The following RHOBTB2 variants were observed in gnomAD, a reference collection of about 807,000 sequenced individuals.
RHOBTB2 encodes Rho related BTB domain containing 2.
Under a neutral mutation model 66.5 loss-of-function variants are expected in RHOBTB2, and 39 were observed. The ratio of observed to expected loss-of-function variants is 0.59; its 90% CI spans 0.45 to 0.77. The LOEUF (loss-of-function observed/expected upper bound fraction) is 0.77. Among genes scored for constraint, RHOBTB2 ranks in the 30% least tolerant of loss-of-function variants. The pLI is 0.00. For synonymous variants in RHOBTB2, 390 were observed against 395.0 expected (o/e 0.99, Z 0.15); for missense variants, 755 against 999.1 (o/e 0.76, Z 3.29).
At chr8:22,998,773 A>G (rs1475432411), upstream of RHOBTB2, 3 of 151,662 alleles carry the variant, frequency 2.0e-5, no homozygotes, top group East Asian at 5.8e-4. Context: ...CCAGCCTTGA[A>G]TATGGAAAGT....
the RHOBTB2 span, among the ~76,000 whole-genome samples, chr8:22,959,739 G>A: frequency 6.6e-6 from 1 of 152,050 alleles, no homozygotes; most frequent in Non-Finnish European, 1.5e-5. Flanking sequence ...ACCCCCTGTG[G>A]TTACCTTGTC....
chr8:23,015,779 C>T, intron 9 of RHOBTB2, 36 bp downstream of exon 9: 1 of 1,439,338 alleles, frequency 6.9e-7, no homozygotes, highest in Non-Finnish European at 9.8e-7. Context: ...GTACCTGCTG[C>T]CCTCCCCTTA....
chr8:23,004,632 G>T lies in RHOBTB2; in HGVS notation c.192+6G>T. 1 of 1,610,464 alleles carries T rather than the reference G, an allele frequency of 6.2e-7. No individual in the cohort carries two copies. On this transcript the variant is annotated splice_donor_region_variant and intron_variant, in intron 2 of 9. Transcript: ENST00000251822. This position sits in a 1 kb window ranked among gnomAD's most constrained non-coding sequence, Gnocchi z 6.4. ...AATATCGTGTGTGCCAGGAGGTAAG[G>T]CTGCAGGACTACCTGGCTGGGGGTC...
upstream of RHOBTB2, among the ~76,000 whole-genome samples, chr8:22,982,711 C>T (rs565331767): frequency 2.7e-4 from 41 of 152,318 alleles, no homozygotes; most frequent in South Asian, 6.0e-3. Context: ...AAGAAAACCC[C>T]ATGGATCTTT....
At chr8:22,980,730 A>G in the RHOBTB2 span, among the ~76,000 whole-genome samples, 1 of 152,194 alleles carries the variant, frequency 6.6e-6, no homozygotes, top group Non-Finnish European at 1.5e-5. Flanking sequence ...AGTTTTTTTA[A>G]AAAACAAACT....
chr8:22,956,551 C>T, the RHOBTB2 span, among the ~76,000 whole-genome samples: 68 of 152,282 alleles, frequency 4.5e-4, no homozygotes, highest in African/African-American at 1.4e-3. Context: ...GAGGCCTCCC[C>T]AGAAGCCAAG....
chr8:22,955,932 C>T, the RHOBTB2 span, among the ~76,000 whole-genome samples: 1 of 152,124 alleles, frequency 6.6e-6, no homozygotes, highest in Non-Finnish European at 1.5e-5. Context: ...GATGCCACCT[C>T]CTGGAGCTTC....
intron 7 of RHOBTB2, among the ~76,000 whole-genome samples, chr8:23,011,075 T>C (rs906847524): frequency 2.0e-5 from 3 of 152,150 alleles, no homozygotes; most frequent in Non-Finnish European, 4.4e-5. Flanking sequence ...CAAACTGCCA[T>C]GAAACCCGTC....
chr8:22,964,071 A>G, the RHOBTB2 span, among the ~76,000 whole-genome samples: 824 of 151,504 alleles, frequency 5.4e-3, 6 homozygotes, highest in Non-Finnish European at 8.1e-3. Context: ...GTGAGTCACC[A>G]TGCCCAGCCT....
Position 22,994,406 on chromosome 8 carries a change from C to T in RHOBTB2, c.-23-155C>T, listed in dbSNP as rs1414126125. 2.6e-5 allele frequency among the ~76,000 whole-genome samples: 4 copies of T among 152,328 alleles called. No individual in the cohort carries two copies. In the East Asian group the frequency reaches 5.8e-4, roughly 22 times the overall value. ...TGGCCCCCAGGCTGGGGTCTCACCC[C>T]GCGCTGGACCCGGACATCAGGGGCC... On this transcript the variant is annotated intron_variant, in intron 2 of 11. Transcript: ENST00000519685.
At chr8:22,991,283 C>T (rs1335826956) in intron 1 of RHOBTB2, among the ~76,000 whole-genome samples, 1 of 152,190 alleles carries the variant, frequency 6.6e-6, no homozygotes, top group Non-Finnish European at 1.5e-5. Flanking sequence ...GTATACTTCC[C>T]ACCAGGGTCC....
the RHOBTB2 span, among the ~76,000 whole-genome samples, chr8:22,969,890 T>C: frequency 2.0e-5 from 3 of 152,140 alleles, no homozygotes; most frequent in Non-Finnish European, 4.4e-5. Context: ...TAGCTGGGAC[T>C]ACAGGCATGT....
intron 2 of RHOBTB2, among the ~76,000 whole-genome samples, chr8:22,993,129 C>T (rs544364413): frequency 6.6e-6 from 1 of 152,280 alleles, no homozygotes; most frequent in African/African-American, 2.4e-5. Flanking sequence ...CCAAGGTGCG[C>T]ATGGGATTTA....
chr8:23,007,311 G>T lies in RHOBTB2; in HGVS notation c.1066G>T (p.Gly356Cys). ...GTGCGAGAGCGTGGATGAGGCTGGGGGCTCCGGTCCTGCTGGCCTCCGTGC... is the reference window on the plus strand; with the variant it reads ...GTGCGAGAGCGTGGATGAGGCTGGGTGCTCCGGTCCTGCTGGCCTCCGTGC... ...DVCESVDEAG[G>C]SGPAGLRAST... is the part of the protein sequence containing the mutation. Residue 356 changes from glycine (G) to cysteine (C), a missense_variant, in exon 5 of 10, where the codon GGC (glycine) becomes TGC (cysteine). Physicochemically the swap from Gly to Cys is radical, Grantham distance 159. Transcript: ENST00000251822. The T allele has an allele frequency of 6.2e-7, 1 of 1,613,778 alleles. No individual in the cohort carries two copies. The highest frequency in any genetic ancestry group is 8.5e-7 in the Non-Finnish European group (1 of 1,179,938).
the RHOBTB2 span, among the ~76,000 whole-genome samples, chr8:22,952,851 G>A: frequency 6.6e-6 from 1 of 152,152 alleles, no homozygotes; most frequent in Non-Finnish European, 1.5e-5. Flanking sequence ...ATTGCAGTGA[G>A]CCGAGATTGC....
chr8:22,956,653 TTTTG>T, the RHOBTB2 span, among the ~76,000 whole-genome samples: 50 of 152,042 alleles, frequency 3.3e-4, no homozygotes, highest in African/African-American at 8.9e-4. Flanking sequence ...AATCTCCAGG[TTTTG>T]TTTGTTTGTT....
intron 2 of RHOBTB2, among the ~76,000 whole-genome samples, chr8:22,994,249 T>C (rs1166752954): frequency 1.3e-5 from 2 of 152,198 alleles, no homozygotes; most frequent in Non-Finnish European, 2.9e-5. Flanking sequence ...AGGCCTCCGA[T>C]GCATGACTGA....
the RHOBTB2 span, among the ~76,000 whole-genome samples, chr8:22,973,476 T>G: frequency 6.6e-6 from 1 of 152,052 alleles, no homozygotes; most frequent in South Asian, 2.1e-4. Flanking sequence ...TCAAGCAATC[T>G]TCCCACCTTG....
At chr8:22,965,134 A>G in the RHOBTB2 span, among the ~76,000 whole-genome samples, 1 of 152,032 alleles carries the variant, frequency 6.6e-6, no homozygotes, top group Non-Finnish European at 1.5e-5. Flanking sequence ...TAGCTTTAGA[A>G]TCTCATTTCT....
Sources: gnomAD v4.1 joint callset for allele counts (sites outside exome capture counted in the v4.1 genomes callset) on GRCh38, gnomAD v4.1.1 for gene constraint, Gnocchi (gnomAD v3.1) non-coding constraint, MANE v1.5 for transcripts, NCBI Gene and HGNC (gene_info 2026-07-23, HGNC 2026-07-21) for gene names.